Variants in SMCHD1 observed in about 807,000 individuals in gnomAD.
SMCHD1 encodes the protein structural maintenance of chromosomes flexible hinge domain containing 1, also known as structural maintenance of chromosomes flexible hinge domain-containing protein 1.
In SMCHD1, 78 loss-of-function variants were observed where a neutral mutation model predicts 254.7. The observed-to-expected ratio is 0.31, with a 90% confidence interval of 0.26 to 0.37. The LOEUF (loss-of-function observed/expected upper bound fraction) is 0.37, where lower values mean the gene tolerates loss of function less well. SMCHD1 is among the 10% of genes least tolerant of loss of function. SMCHD1 has a pLI of 1.00. For missense variants in SMCHD1, 1,840 were observed against 2,408.1 expected (o/e 0.76, Z 4.94); for synonymous variants, 766 against 794.9 (o/e 0.96, Z 0.61).
chr18:2,679,724 T>G (rs2073881879), intron 5 of SMCHD1, among the ~76,000 whole-genome samples: 1 of 152,144 alleles, frequency 6.6e-6, no homozygotes, highest in Non-Finnish European at 1.5e-5. Context: ...TCATCCTACT[T>G]AGAGTTCATT....
At chr18:2,768,262 G>A (rs985260427) in intron 37 of SMCHD1, among the ~76,000 whole-genome samples, 41 of 152,004 alleles carry the variant, frequency 2.7e-4, no homozygotes, top group Admixed American at 7.2e-4. Flanking sequence ...AACATAAGAA[G>A]CATGATTTCA....
chr18:2,712,739 A>G (rs1400183946), intron 17 of SMCHD1, among the ~76,000 whole-genome samples: 2 of 152,038 alleles, frequency 1.3e-5, no homozygotes, highest in Non-Finnish European at 2.9e-5. Flanking sequence ...GTCCTCTTTC[A>G]CTCTTGCACT....
rs958675723 is a variant in SMCHD1, at chr18:2,743,776, A to G, written c.3649A>G (p.Ile1217Val). The G allele has an allele frequency of 3.1e-6, 5 of 1,611,162 alleles. No individual in the cohort carries two copies. The highest frequency in any genetic ancestry group is 2.2e-5 in the East Asian group (1 of 44,822). ...KTTFQENTQSISVRGIKFIPG... is the reference protein window; with the variant it reads ...KTTFQENTQSVSVRGIKFIPG... ...TCCTCACTAGGAAAACACACAGAGT[A>G]TAAGTGTAAGAGGCATCAAATTTAT... Residue 1217 changes from isoleucine (I) to valine (V), a missense_variant, in exon 29 of 48, where the codon ATA becomes GTA. Ile to Val is a conservative substitution (Grantham distance 29, BLOSUM62 3). Around this residue, in one of 9 missense-constraint regions of SMCHD1, gnomAD observed 881 missense variants for 1,009.5 expected, o/e 0.87. Transcript: ENST00000320876.
At chr18:2,731,754 G>A (rs474000) in intron 24 of SMCHD1, among the ~76,000 whole-genome samples, 48,504 of 152,142 alleles carry the variant, frequency 0.32, 9,766 homozygotes, top group Non-Finnish European at 0.45. Flanking sequence ...GCTGATGCCT[G>A]TAATCCCAGC....
intron 19 of SMCHD1, among the ~76,000 whole-genome samples, chr18:2,721,934 T>C (rs1376339903): frequency 6.6e-6 from 1 of 152,178 alleles, no homozygotes; most frequent in Non-Finnish European, 1.5e-5. Context: ...AGGTTTGAGA[T>C]AGGCCCTAGA....
intron 35 of SMCHD1, 63 bp from the exon 36 acceptor site, chr18:2,762,042 C>G: frequency 2.1e-6 from 3 of 1,398,760 alleles, no homozygotes; most frequent in Non-Finnish European, 3.0e-6. Context: ...TATGTCTTCC[C>G]TTCCTCTTAA....
chr18:2,708,918 C>CAAT (rs2074598741), intron 17 of SMCHD1, among the ~76,000 whole-genome samples: 1 of 52,302 alleles, frequency 1.9e-5, no homozygotes, highest in Non-Finnish European at 3.4e-5. Flanking sequence ...AACATATTAA[C>CAAT]ATGAAATTTA....
chr18:2,671,888 G>A (rs570043326), intron 3 of SMCHD1, among the ~76,000 whole-genome samples: 34 of 152,002 alleles, frequency 2.2e-4, no homozygotes, highest in African/African-American at 8.0e-4. Context: ...GTGAGCCACC[G>A]CGCCTGGCCT....
chr18:2,659,750 A>G (rs9966110), intron 1 of SMCHD1, among the ~76,000 whole-genome samples: 25,125 of 147,146 alleles, frequency 0.17, 5,317 homozygotes, highest in African/African-American at 0.51. Flanking sequence ...TTCTACAATA[A>G]ACTTGAGATT....
In SMCHD1 at chr18:2,796,444, T is replaced by G. The variant is rs771953059; in HGVS notation, c.5916T>G (p.Arg1972=). 3.1e-6 allele frequency: 5 copies of G among 1,605,074 alleles called. No homozygotes were observed. The highest frequency in any genetic ancestry group is 3.4e-6 in the Non-Finnish European group (4 of 1,175,692). ...TACGTAAGTGTAATGACTCATTGCG[T>G]CATTCACCAAAGGTTGAGACGACAG... is the stretch of plus-strand genomic sequence containing the variant. ...TPIRKCNDSL[R]HSPKVETTDC... is the part of the protein sequence containing the mutation. The change falls in exon 47 of 48, where the codon CGT becomes CGG. Residue 1972 remains arginine, a synonymous_variant. Transcript: ENST00000320876.
At position 2,750,057 on chromosome 18, in the gene SMCHD1, C is replaced by T. The variant is rs2075542095; in HGVS notation, c.3942C>T (p.Asn1314=). The change falls in exon 31 of 48, where the codon AAC becomes AAT. Residue 1314 remains asparagine (N), a synonymous_variant. Coordinates refer to ENST00000320876, the MANE Select transcript of SMCHD1 (RefSeq NM_015295.3). ...KASNLKLMPS[N]QQHKTDEKGR... The stretch of plus-strand genomic sequence containing the variant: ...TTTGTTTTTAGCTCATGCCTTCAAA[C>T]CAACAGCATAAAACAGATGAGAAAG... The T allele has an allele frequency of 1.9e-6, 3 of 1,567,552 alleles. No homozygotes were observed. Among genetic ancestry groups the T allele is most frequent in the Non-Finnish European group, 1.7e-6 (2 of 1,154,764 alleles).
At chr18:2,708,480 A>G (rs1281628124) in intron 17 of SMCHD1, among the ~76,000 whole-genome samples, 1 of 152,040 alleles carries the variant, frequency 6.6e-6, no homozygotes, top group Non-Finnish European at 1.5e-5. Context: ...ACAGTGAGCT[A>G]TGATCACGCC....
chr18:2,785,882 C>A (rs903067149), intron 45 of SMCHD1, among the ~76,000 whole-genome samples: 5 of 152,158 alleles, frequency 3.3e-5, no homozygotes, highest in Non-Finnish European at 7.3e-5. Context: ...GCTAATTTCA[C>A]TTGGCATAAT....
At chr18:2,744,845 G>GT (rs1423223193) in intron 29 of SMCHD1, among the ~76,000 whole-genome samples, 2 of 151,906 alleles carry the variant, frequency 1.3e-5, no homozygotes, top group African/African-American at 4.8e-5. Flanking sequence ...GTTTTGTTTT[G>GT]TTTTTGTTTT....
chr18:2,747,797 TA>T, intron 30 of SMCHD1, 150 bp downstream of exon 30: 1 of 686,520 alleles, frequency 1.5e-6, no homozygotes, highest in Non-Finnish European at 2.3e-6. Flanking sequence ...CAAAAATTTT[TA>T]AAATTATTTT....
chr18:2,701,142 C>A, intron 12 of SMCHD1: 8 of 328,572 alleles, frequency 2.4e-5, no homozygotes, highest in East Asian at 4.7e-5. Context: ...ATAGAATTTA[C>A]ATATCTTCAT....
At chr18:2,787,555 G>A (rs985835604) in intron 45 of SMCHD1, among the ~76,000 whole-genome samples, 6 of 152,158 alleles carry the variant, frequency 3.9e-5, no homozygotes, top group African/African-American at 1.4e-4. Flanking sequence ...AGAAATCAGA[G>A]AAAACATTTT....
chr18:2,781,124 A>G (rs2076151051), intron 44 of SMCHD1, among the ~76,000 whole-genome samples: 1 of 152,184 alleles, frequency 6.6e-6, no homozygotes, highest in South Asian at 2.1e-4. Context: ...TCTAAACAAC[A>G]TGGGGAGTCT....
chr18:2,726,544 T>A lies in SMCHD1; in HGVS notation c.2773+20T>A. On this transcript the variant is annotated intron_variant, in intron 22 of 47. Coordinates refer to ENST00000320876, the MANE Select transcript of SMCHD1 (RefSeq NM_015295.3). ...TACCTGGTAATATTATTTCAAGAAATATAATTATTTAAAATAATTTTCTTA... is the reference window on the plus strand; with the variant it reads ...TACCTGGTAATATTATTTCAAGAAAAATAATTATTTAAAATAATTTTCTTA... 1 of 1,134,460 alleles carries A rather than the reference T, an allele frequency of 8.8e-7. No homozygotes were observed. Among genetic ancestry groups the A allele is most frequent in the South Asian group, 1.7e-5 (1 of 59,916 alleles). The allele number at this position is 1,134,460 out of a possible 1,614,324, so 70.3% of individuals were successfully genotyped here. A position where few individuals can be genotyped will look rare whatever the true frequency, so the allele number is the denominator to read the frequency against.
Sources: allele counts gnomAD v4.1 joint callset (sites outside exome capture counted in the v4.1 genomes callset), GRCh38; gene constraint gnomAD v4.1.1; regional missense constraint gnomAD v4.1.1; transcripts MANE v1.5; gene names NCBI Gene and HGNC (gene_info 2026-07-23, HGNC 2026-07-21).